PCDH15: variants seen among roughly 807,000 people sequenced by gnomAD.
PCDH15 encodes protocadherin-15.
In PCDH15, 129 loss-of-function variants were observed where a neutral mutation model predicts 178.5. The ratio of observed to expected loss-of-function variants is 0.72; its 90% confidence interval spans 0.63 to 0.84. PCDH15 has a LOEUF of 0.84. Ranked by LOEUF, PCDH15 falls within the 40% of genes least tolerant of loss-of-function variation. The pLI, the probability that PCDH15 is intolerant of heterozygous loss-of-function variation, is 0.00. For synonymous variants in PCDH15, 800 were observed against 732.0 expected, an observed-to-expected ratio of 1.09 and a Z score of -1.50; for missense variants, 2,230 against 2,099.9, an observed-to-expected ratio of 1.06 and a Z score of -1.21.
intron 18 of PCDH15, among the ~76,000 whole-genome samples, chr10:54,041,983 T>G (rs1178101508): frequency 6.6e-6 from 1 of 151,914 alleles, no homozygotes; most frequent in Admixed American, 6.6e-5. Context: ...TTAGTAACAT[T>G]CTTGAGATTA....
At chr10:54,441,457 T>C (rs867097786) in intron 3 of PCDH15, among the ~76,000 whole-genome samples, 1 of 151,980 alleles carries the variant, frequency 6.6e-6, no homozygotes, top group South Asian at 2.1e-4. Flanking sequence ...GAGTTACTGA[T>C]CTGCAACTTT....
chr10:53,826,338 T>TATAAC (rs1357602986), intron 32 of PCDH15, among the ~76,000 whole-genome samples: 1 of 152,040 alleles, frequency 6.6e-6, no homozygotes, highest in Admixed American at 6.5e-5. Context: ...CAAAACCTTG[T>TATAAC]ATAACATTAT....
chr10:54,249,171 A>G (rs969165180), intron 8 of PCDH15, among the ~76,000 whole-genome samples: 1 of 152,120 alleles, frequency 6.6e-6, no homozygotes, highest in African/African-American at 2.4e-5. Flanking sequence ...TTGTCCGTAT[A>G]TAAACACATG....
chr10:55,117,406 T>C (rs1433124926), intron 2 of PCDH15, among the ~76,000 whole-genome samples: 1 of 152,162 alleles, frequency 6.6e-6, no homozygotes, highest in Middle Eastern at 3.2e-3. Flanking sequence ...TCAACAGAAA[T>C]ACCAAATATT....
chr10:53,901,592 C>T (rs189121041), intron 26 of PCDH15, among the ~76,000 whole-genome samples: 69 of 152,276 alleles, frequency 4.5e-4, no homozygotes, highest in African/African-American at 1.6e-3. Flanking sequence ...TGGATGATGT[C>T]ATAACTGTTT....
intron 3 of PCDH15, among the ~76,000 whole-genome samples, chr10:54,825,458 C>T (rs561951015): frequency 2.0e-5 from 3 of 148,534 alleles, no homozygotes; most frequent in African/African-American, 7.5e-5. Context: ...CGCTGACTTC[C>T]ACAATGGTTG....
intron 21 of PCDH15, among the ~76,000 whole-genome samples, chr10:53,992,741 T>A (rs2091608462): frequency 2.0e-5 from 3 of 152,156 alleles, no homozygotes; most frequent in Admixed American, 2.0e-4. Context: ...TCAAAAATGA[T>A]CAGTCATTCA....
intron 1 of PCDH15, among the ~76,000 whole-genome samples, chr10:54,774,170 A>G (rs1949441699): frequency 6.6e-6 from 1 of 151,620 alleles, no homozygotes; most frequent in Admixed American, 6.6e-5. Flanking sequence ...CTAGGACCAC[A>G]GGCGCCTGCC....
chr10:53,889,614 A>C (rs1288674022), intron 26 of PCDH15, among the ~76,000 whole-genome samples: 1 of 152,174 alleles, frequency 6.6e-6, no homozygotes, highest in Non-Finnish European at 1.5e-5. Flanking sequence ...TAAATTAGTA[A>C]AACATTTTTG....
At chr10:54,056,834 T>A (rs1261092327) in intron 18 of PCDH15, among the ~76,000 whole-genome samples, 1 of 152,060 alleles carries the variant, frequency 6.6e-6, no homozygotes, top group Non-Finnish European at 1.5e-5. Context: ...AAATCAAAAG[T>A]GAGTTAGTTA....
chr10:55,353,175 G>C (rs1844986559), intron 2 of PCDH15, among the ~76,000 whole-genome samples: 1 of 152,122 alleles, frequency 6.6e-6, no homozygotes, highest in African/African-American at 2.4e-5. Context: ...ACAACCAGGA[G>C]AATGCAGAAA....
intron 2 of PCDH15, among the ~76,000 whole-genome samples, chr10:55,400,036 T>C (rs1339558972): frequency 6.6e-6 from 1 of 152,148 alleles, no homozygotes; most frequent in Non-Finnish European, 1.5e-5. Flanking sequence ...TGTTTGGGTA[T>C]AATTTATTAA....
intron 2 of PCDH15, among the ~76,000 whole-genome samples, chr10:54,528,080 G>A (rs1212857291): frequency 6.6e-6 from 1 of 151,998 alleles, no homozygotes; most frequent in Admixed American, 6.6e-5. Flanking sequence ...GTCACTTTGT[G>A]CATCACAAAA....
chr10:54,782,600 T>A (rs1023128302), intron 1 of PCDH15, among the ~76,000 whole-genome samples: 22 of 152,196 alleles, frequency 1.4e-4, no homozygotes, highest in Admixed American at 6.5e-4. Context: ...GGCTGATTTT[T>A]TTGCTAATAT....
intron 2 of PCDH15, among the ~76,000 whole-genome samples, chr10:55,406,388 T>A (rs1156398811): frequency 1.3e-5 from 2 of 152,084 alleles, no homozygotes; most frequent in African/African-American, 4.8e-5. Context: ...AGGAGCATCA[T>A]TTGTACCTTA....
rs932294863 is a variant in PCDH15, at chr10:54,110,482, A to G, written c.1918-20419T>C. Among the ~76,000 whole-genome samples the G allele has an allele frequency of 9.9e-5, 15 of 152,278 alleles. No individual in the cohort carries two copies. In the South Asian group the frequency reaches 1.0e-3, roughly 11 times the overall value. On this transcript the variant is annotated intron_variant, in intron 15 of 37. Transcript: ENST00000644397. ...ATTACACTGTGAATTTTTCATCTTT[A>G]CTCATGAAGACAGCTTCTGATTCCA...
intron 3 of PCDH15, among the ~76,000 whole-genome samples, chr10:54,405,707 A>C (rs1247649855): frequency 6.6e-6 from 1 of 151,292 alleles, no homozygotes; most frequent in Non-Finnish European, 1.5e-5. Flanking sequence ...TTAAAAAAAA[A>C]AACTAAAAAT....
chr10:54,255,798 T>C (rs193200626), intron 8 of PCDH15, among the ~76,000 whole-genome samples: 374 of 152,258 alleles, frequency 2.5e-3, no homozygotes, highest in Non-Finnish European at 3.6e-3. Context: ...TTAGCTATCA[T>C]ATATAATCTG....
chr10:53,930,703 G>A (rs1450937023), intron 25 of PCDH15, among the ~76,000 whole-genome samples: 3 of 152,028 alleles, frequency 2.0e-5, no homozygotes, highest in African/African-American at 7.2e-5. Context: ...CTGCCCCAGA[G>A]GCCTCCTTGC....
Sources: gnomAD v4.1 joint callset for allele counts (sites outside exome capture counted in the v4.1 genomes callset) on GRCh38, gnomAD v4.1.1 for gene constraint, MANE v1.5 for transcripts, NCBI Gene and HGNC (gene_info 2026-07-23, HGNC 2026-07-21) for gene names.